ZNF827: variants seen among roughly 807,000 people sequenced by gnomAD.
The protein encoded by ZNF827 is zinc finger protein 827.
In ZNF827, 13 loss-of-function variants were observed where a neutral mutation model predicts 102.4. The observed-to-expected ratio is 0.13, with a 90% CI of 0.08 to 0.20. ZNF827 has a LOEUF of 0.20. Among genes scored for constraint, ZNF827 ranks in the 10% least tolerant of loss-of-function variants. ZNF827 has a pLI of 1.00. For synonymous variants in ZNF827, 523 were observed against 536.2 expected (o/e 0.98, Z 0.34); for missense variants, 1,103 against 1,344.4 (o/e 0.82, Z 2.81).
At position 145,935,976 on chromosome 4, in the gene ZNF827, AT is replaced by A. The variant is rs766647133; in HGVS notation, c.43+2388del. Among the ~76,000 whole-genome samples the A allele has an allele frequency of 6.6e-3, 976 of 146,798 alleles. 2 individuals carry two copies. The highest frequency in any genetic ancestry group is 0.011 in the Non-Finnish European group (742 of 66,220). On this transcript the variant is annotated intron_variant, in intron 1 of 14. Transcript: ENST00000508784. ...CCACCCTCCCTCTAACCCCGCCAAC[AT>A]TTTTTTTTTTAAAGCAGGGGGAGAA...
chr4:145,764,794 C>T, intron 13 of ZNF827, 194 bp downstream of exon 13: 3 of 679,850 alleles, frequency 4.4e-6, no homozygotes, highest in South Asian at 1.8e-5. Flanking sequence ...CTCCTACTGA[C>T]ATCTGTTGAC....
chr4:145,926,120 G>A (rs1036723271), intron 1 of ZNF827, among the ~76,000 whole-genome samples: 7 of 152,032 alleles, frequency 4.6e-5, no homozygotes, highest in African/African-American at 1.2e-4. Context: ...TGCTCTATTC[G>A]GTTCCACAAA....
chr4:145,815,199 G>A (rs763477143), intron 8 of ZNF827, among the ~76,000 whole-genome samples: 2 of 152,212 alleles, frequency 1.3e-5, no homozygotes, highest in African/African-American at 2.4e-5. Context: ...TGGACTGAAA[G>A]AGCTCCAGGG....
At chr4:145,915,718 T>C (rs1752619707) in intron 1 of ZNF827, among the ~76,000 whole-genome samples, 1 of 152,138 alleles carries the variant, frequency 6.6e-6, no homozygotes, top group South Asian at 2.1e-4. Context: ...ACTTCTTTCA[T>C]CATCAACTCA....
intron 1 of ZNF827, among the ~76,000 whole-genome samples, chr4:145,905,434 A>G (rs1751770489): frequency 6.6e-6 from 1 of 152,264 alleles, no homozygotes; most frequent in Non-Finnish European, 1.5e-5. Context: ...TTATTAAGTT[A>G]TCAAGAAAAT....
chr4:145,783,441 A>G (rs1210552750), intron 8 of ZNF827, among the ~76,000 whole-genome samples: 1 of 152,230 alleles, frequency 6.6e-6, no homozygotes, highest in African/African-American at 2.4e-5. Context: ...TGATTCTATT[A>G]GTGGAAATGT....
rs542062133 is a variant in ZNF827 at position 145,901,974 on chromosome 4, T to C, written c.1093+192A>G. On this transcript the variant is annotated intron_variant, in intron 2 of 14. Transcript: ENST00000508784. ...CATTACCTTTCAAAAGTGAAGCTAT[T>C]TGTGAAGTCTTTGTGTAATACGTAC... 3.3e-5 allele frequency among the ~76,000 whole-genome samples: 5 copies of C among 152,364 alleles called. No homozygotes were observed. In the East Asian group the frequency reaches 9.6e-4, roughly 29 times the overall value.
intron 5 of ZNF827, among the ~76,000 whole-genome samples, chr4:145,855,549 C>A (rs1451109378): frequency 6.6e-6 from 1 of 151,364 alleles, no homozygotes; most frequent in Non-Finnish European, 1.5e-5. Flanking sequence ...CTGGCACCCG[C>A]TGGCATCTGA....
Position 145,783,569 on chromosome 4 carries a change from C to T in ZNF827, c.2384-4058G>A, listed in dbSNP as rs112152957. ...TGGCAGTTGCTATTTTCAGTTAACCCAACAGTCATTCTCAACTTTCCTTAT... is the reference window on the plus strand; with the variant it reads ...TGGCAGTTGCTATTTTCAGTTAACCTAACAGTCATTCTCAACTTTCCTTAT... On this transcript the variant is annotated intron_variant, in intron 8 of 14. Coordinates refer to ENST00000508784, the MANE Select transcript of ZNF827 (RefSeq NM_001306215.2). Among the ~76,000 whole-genome samples, 178 of 152,346 alleles carry T rather than the reference C, an allele frequency of 1.2e-3. 1 individual carries two copies. The highest frequency in any genetic ancestry group is 4.1e-3 in the African/African-American group (169 of 41,582).
intron 5 of ZNF827, among the ~76,000 whole-genome samples, chr4:145,867,684 C>A (rs1254265437): frequency 2.6e-5 from 4 of 152,154 alleles, no homozygotes. Context: ...TATCCTCAAC[C>A]AACTCTTCCT....
chr4:145,910,841 G>A (rs1205924073), intron 1 of ZNF827, among the ~76,000 whole-genome samples: 1 of 152,134 alleles, frequency 6.6e-6, no homozygotes, highest in Non-Finnish European at 1.5e-5. Flanking sequence ...TCCTCTGCCT[G>A]AAACAGCCAC....
At position 145,937,030 on chromosome 4, in the gene ZNF827, C is replaced by T. The variant is rs1579614402; in HGVS notation, c.43+1335G>A. 2.6e-5 allele frequency among the ~76,000 whole-genome samples: 4 copies of T among 152,248 alleles called. No homozygotes were observed. In the Middle Eastern group the frequency reaches 0.01, roughly 388 times the overall value. On this transcript the variant is annotated intron_variant, in intron 1 of 14. Coordinates refer to ENST00000508784, the MANE Select transcript of ZNF827 (RefSeq NM_001306215.2). ...ACGCCTTCTCCCCTGCCCCCTCTTC[C>T]CTGCATTCAAGGAGCCGGGCGGCCC...
intron 5 of ZNF827, among the ~76,000 whole-genome samples, chr4:145,853,689 T>C (rs1440767050): frequency 1.3e-5 from 2 of 152,062 alleles, no homozygotes; most frequent in African/African-American, 2.4e-5. Flanking sequence ...GAATTAAGAA[T>C]GAAAAGAGGC....
chr4:145,934,825 C>A (rs1374992516), intron 1 of ZNF827, among the ~76,000 whole-genome samples: 1 of 152,160 alleles, frequency 6.6e-6, no homozygotes, highest in South Asian at 2.1e-4. Flanking sequence ...TAGGGGGGTG[C>A]AGACACAGGG....
intron 1 of ZNF827, among the ~76,000 whole-genome samples, chr4:145,910,707 A>G (rs1341746876): frequency 1.3e-5 from 2 of 152,182 alleles, no homozygotes; most frequent in African/African-American, 4.8e-5. Flanking sequence ...GTTTCTCAGT[A>G]TAAAATACAA....
At position 145,765,598 on chromosome 4, in the gene ZNF827, C is replaced by G; in HGVS notation, c.3001G>C (p.Val1001Leu). The G allele has an allele frequency of 6.2e-7, 1 of 1,614,070 alleles. No individual in the cohort carries two copies. Among genetic ancestry groups the G allele is most frequent in the Non-Finnish European group, 8.5e-7 (1 of 1,180,000 alleles). ...KGGNNLLVISVMPGSQPSLNS... is the reference protein window; with the variant it reads ...KGGNNLLVISLMPGSQPSLNS... Reference sequence around the variant, plus strand: ...AGTGAGGGCTGGCTCCCAGGCATGACAGAGATGACCAGCAGATTGTTCCCG... The same window carrying G: ...AGTGAGGGCTGGCTCCCAGGCATGAGAGAGATGACCAGCAGATTGTTCCCG... The change falls in exon 12 of 15, where the codon GTC becomes CTC. Residue 1001 changes from valine (V) to leucine (L), a missense_variant. Physicochemically the swap from Val to Leu is conservative, Grantham distance 32. This residue lies in a region of ZNF827 where 242 missense variants were observed against 361.9 expected (regional missense o/e 0.67). Transcript: ENST00000508784. The surrounding 1 kb of genome is among the most constrained non-coding windows in gnomAD (Gnocchi z 4.7).
At position 145,886,335 on chromosome 4, in the gene ZNF827, G is replaced by T. The variant is rs186033971; in HGVS notation, c.1267-177C>A. ...AGGCCAATCCCTAAACATAAAGTGG[G>T]TCCACATAGGTTAAGAGTCCATTAT... is the stretch of plus-strand genomic sequence containing the variant. On this transcript the variant is annotated intron_variant, in intron 3 of 14. Transcript: ENST00000508784. Among the ~76,000 whole-genome samples the T allele has an allele frequency of 7.7e-4, 118 of 152,298 alleles. 2 individuals carry two copies. Among genetic ancestry groups the T allele is most frequent in the African/African-American group, 2.8e-3 (115 of 41,550 alleles).
At chr4:145,909,399 C>T (rs1752104626) in intron 1 of ZNF827, among the ~76,000 whole-genome samples, 1 of 152,246 alleles carries the variant, frequency 6.6e-6, no homozygotes, top group Admixed American at 6.5e-5. Context: ...GTCGAAAGCA[C>T]CATCAGGGCT....
chr4:145,791,276 G>C (rs978836907), intron 8 of ZNF827, among the ~76,000 whole-genome samples: 2 of 152,148 alleles, frequency 1.3e-5, no homozygotes, highest in African/African-American at 4.8e-5. Context: ...AAGAGGCAAG[G>C]GGTCTTTTAT....
Sources: gnomAD v4.1 joint callset for allele counts (sites outside exome capture counted in the v4.1 genomes callset) on GRCh38, gnomAD v4.1.1 for gene constraint, gnomAD v4.1.1 regional missense constraint, Gnocchi (gnomAD v3.1) non-coding constraint, MANE v1.5 for transcripts, NCBI Gene and HGNC (gene_info 2026-07-23, HGNC 2026-07-21) for gene names.